The following CDH2 variants were observed in gnomAD, a reference collection of about 807,000 sequenced individuals.
CDH2 encodes cadherin 2, also known as cadherin-2.
Under a neutral mutation model 92.0 loss-of-function variants are expected in CDH2, and 17 were observed. That is an observed-to-expected ratio of 0.18 (90% CI 0.13 to 0.28). The LOEUF (loss-of-function observed/expected upper bound fraction) is 0.28, where lower values mean the gene tolerates loss of function less well. Ranked by LOEUF, CDH2 falls within the 10% of genes least tolerant of loss-of-function variation. The probability of loss-of-function intolerance (pLI) is 1.00; values close to 1 mark genes in which losing one functional copy is unlikely to be tolerated. For synonymous variants in CDH2, 419 were observed against 415.9 expected, an observed-to-expected ratio of 1.01 and a Z score of -0.09; for missense variants, 862 against 1,133.1, an observed-to-expected ratio of 0.76 and a Z score of 3.44.
chr18:28,083,799 A>T (rs1337464730), intron 2 of CDH2, among the ~76,000 whole-genome samples: 1 of 152,214 alleles, frequency 6.6e-6, no homozygotes, highest in Non-Finnish European at 1.5e-5. Context: ...ACATAAGACT[A>T]GTTAGCCCCA....
intron 2 of CDH2, among the ~76,000 whole-genome samples, chr18:28,071,445 G>C (rs1246313839): frequency 6.6e-6 from 1 of 152,040 alleles, no homozygotes; most frequent in East Asian, 1.9e-4. Flanking sequence ...GCTAGTGGGA[G>C]GGACATTCTG....
At position 27,985,536 on chromosome 18, in the gene CDH2, C is replaced by A; in HGVS notation, c.1967G>T (p.Arg656Leu). The change falls in exon 12 of 16, where the codon CGG becomes CTG. Residue 656 changes from arginine to leucine, a missense_variant. By Grantham distance (102) the Arg-to-Leu change is moderately radical. Coordinates refer to ENST00000269141, the MANE Select transcript of CDH2 (RefSeq NM_001792.5). ...VTIKRNWTIT[R>L]LNGDFAQLNL... is the part of the protein sequence containing the mutation. Reference sequence around the variant, plus strand: ...AATTAACCTGTTCTTACCATTAAGCCGAGTGATGGTCCAATTTCTCTTAAT... The same window carrying A: ...AATTAACCTGTTCTTACCATTAAGCAGAGTGATGGTCCAATTTCTCTTAAT... 6.2e-7 allele frequency: 1 copy of A among 1,602,208 alleles called. No homozygotes were observed. Among genetic ancestry groups the A allele is most frequent in the Non-Finnish European group, 8.6e-7 (1 of 1,169,302 alleles).
rs185166435 is a variant in CDH2, at chr18:28,032,762, T to C, written c.173-18853A>G. Among the ~76,000 whole-genome samples, 14 of 152,078 alleles carry C rather than the reference T, an allele frequency of 9.2e-5. 1 individual carries two copies. The East Asian group carries it at 2.7e-3, about 30-fold the overall frequency. On this transcript the variant is annotated intron_variant, in intron 2 of 15. Coordinates refer to ENST00000269141, the MANE Select transcript of CDH2 (RefSeq NM_001792.5). ...TCCTGGTCACATTGAAAGTGGTGGG[T>C]GGTACTGATGCCCAAAGCTCTTTGG...
intron 2 of CDH2, among the ~76,000 whole-genome samples, chr18:28,135,537 T>C (rs2144304219): frequency 6.6e-6 from 1 of 152,242 alleles, no homozygotes; most frequent in Admixed American, 6.5e-5. Flanking sequence ...ATACCTTAGG[T>C]TTATCAGTTT....
intron 2 of CDH2, among the ~76,000 whole-genome samples, chr18:28,121,952 G>A (rs2015595383): frequency 6.6e-6 from 1 of 152,112 alleles, no homozygotes; most frequent in Non-Finnish European, 1.5e-5. Flanking sequence ...ATTTCCTTCG[G>A]TAGAGAAAGA....
At chr18:28,147,092 A>G (rs1166501315) in intron 2 of CDH2, among the ~76,000 whole-genome samples, 1 of 152,090 alleles carries the variant, frequency 6.6e-6, no homozygotes, top group Admixed American at 6.5e-5. Context: ...TTTAAATGGG[A>G]AATGAGACTA....
At chr18:28,059,773 G>A (rs1003085993) in intron 2 of CDH2, among the ~76,000 whole-genome samples, 2 of 152,182 alleles carry the variant, frequency 1.3e-5, no homozygotes, top group Non-Finnish European at 2.9e-5. Context: ...GTAAATGTAT[G>A]TATATTATAT....
At chr18:28,048,313 A>T (rs574689991) in intron 2 of CDH2, among the ~76,000 whole-genome samples, 2 of 151,770 alleles carry the variant, frequency 1.3e-5, no homozygotes, top group South Asian at 2.1e-4. Context: ...TTAGTGTTTA[A>T]TGCTAAATAT....
intron 13 of CDH2, 59 bp from the exon 14 acceptor site, chr18:27,983,142 A>G: frequency 7.3e-7 from 1 of 1,369,314 alleles, no homozygotes; most frequent in South Asian, 1.2e-5. Flanking sequence ...TGGCCTATTT[A>G]GTCACAGTAT....
At chr18:28,034,639 G>C (rs1157969519) in intron 2 of CDH2, among the ~76,000 whole-genome samples, 1 of 151,122 alleles carries the variant, frequency 6.6e-6, no homozygotes, top group Non-Finnish European at 1.5e-5. Context: ...TTTTTCTTTT[G>C]CTAAAGTTCG....
downstream of CDH2, among the ~76,000 whole-genome samples, chr18:27,949,186 C>G (rs1598979901): frequency 6.6e-6 from 1 of 151,960 alleles, no homozygotes; most frequent in Non-Finnish European, 1.5e-5. Context: ...TTTGTGGTTA[C>G]TATTTTGAGC....
chr18:27,973,267 T>C (rs1386055093), intron 14 of CDH2, among the ~76,000 whole-genome samples: 2 of 152,178 alleles, frequency 1.3e-5, no homozygotes, highest in Non-Finnish European at 2.9e-5. Flanking sequence ...TGGACACTCA[T>C]ATGGTAATTA....
intron 2 of CDH2, among the ~76,000 whole-genome samples, chr18:28,069,289 G>C (rs182865131): frequency 6.6e-6 from 1 of 152,194 alleles, no homozygotes; most frequent in East Asian, 1.9e-4. Flanking sequence ...AAATTTGTTT[G>C]AGGCAACAAT....
At chr18:28,141,815 G>C (rs2015958758) in intron 2 of CDH2, among the ~76,000 whole-genome samples, 1 of 152,024 alleles carries the variant, frequency 6.6e-6, no homozygotes, top group Admixed American at 6.6e-5. Flanking sequence ...TCTGACCTCA[G>C]ACACACTTCT....
chr18:28,069,322 T>C (rs1321043151), intron 2 of CDH2, among the ~76,000 whole-genome samples: 2 of 152,196 alleles, frequency 1.3e-5, no homozygotes, highest in African/African-American at 4.8e-5. Flanking sequence ...ATATGATTAT[T>C]CTGTAAGTGG....
chr18:27,984,064 T>C (rs2012147466), intron 13 of CDH2, among the ~76,000 whole-genome samples: 1 of 152,212 alleles, frequency 6.6e-6, no homozygotes, highest in African/African-American at 2.4e-5. Context: ...GCAAGTGGAT[T>C]ATTAGTATAG....
intron 2 of CDH2, 133 bp from the exon 3 acceptor site, chr18:28,014,042 T>A (rs1367820118): frequency 1.6e-6 from 1 of 640,622 alleles, no homozygotes; most frequent in East Asian, 2.7e-5. Flanking sequence ...AGAAGTTTTA[T>A]TTTTATTTTA....
chr18:28,130,666 G>T (rs952346706), intron 2 of CDH2, among the ~76,000 whole-genome samples: 1 of 152,180 alleles, frequency 6.6e-6, no homozygotes, highest in Admixed American at 6.5e-5. Flanking sequence ...CTCTTCCAGG[G>T]AGCCCTGCGG....
intron 2 of CDH2, among the ~76,000 whole-genome samples, chr18:28,122,107 C>G (rs11564385): frequency 1.3e-5 from 2 of 152,070 alleles, no homozygotes; most frequent in Admixed American, 6.6e-5. Context: ...CCTTTCTCTT[C>G]CTGGTACCAT....
Sources: gnomAD v4.1 joint callset for allele counts (sites outside exome capture counted in the v4.1 genomes callset) on GRCh38, gnomAD v4.1.1 for gene constraint, MANE v1.5 for transcripts, NCBI Gene and HGNC (gene_info 2026-07-23, HGNC 2026-07-21) for gene names.